MYO1E: variants seen among roughly 807,000 people sequenced by gnomAD.
MYO1E encodes myosin IE.
MYO1E carries 68 observed loss-of-function variants against 151.1 expected under a neutral mutation model. The observed-to-expected ratio is 0.45, with a 90% CI of 0.37 to 0.55. MYO1E has a LOEUF of 0.55. MYO1E is among the 20% of genes least tolerant of loss of function. The probability of loss-of-function intolerance (pLI) is 0.00; values close to 1 mark genes in which losing one functional copy is unlikely to be tolerated. For synonymous variants in MYO1E, 601 were observed against 501.7 expected (o/e 1.20, Z -2.64); for missense variants, 1,363 against 1,389.3 (o/e 0.98, Z 0.30).
intron 1 of MYO1E, among the ~76,000 whole-genome samples, chr15:59,337,498 T>C (rs1293667423): frequency 3.3e-5 from 5 of 152,218 alleles, no homozygotes; most frequent in Admixed American, 3.3e-4. Context: ...TAGCCTACAT[T>C]ATGAAACTTA....
intron 1 of MYO1E, among the ~76,000 whole-genome samples, chr15:59,314,056 T>C (rs1002627700): frequency 7.2e-5 from 11 of 152,208 alleles, no homozygotes; most frequent in Admixed American, 5.9e-4. Context: ...AGTCTGATGA[T>C]GGCCGGTGTT....
intron 4 of MYO1E, 46 bp downstream of exon 4, chr15:59,256,238 A>G (rs2080193115): frequency 7.0e-7 from 1 of 1,426,776 alleles, no homozygotes; most frequent in African/African-American, 1.4e-5. Flanking sequence ...TAACCACAGC[A>G]TAGTCTCATA....
intron 7 of MYO1E, among the ~76,000 whole-genome samples, chr15:59,225,077 G>A (rs1479441932): frequency 6.6e-6 from 1 of 152,178 alleles, no homozygotes; most frequent in African/African-American, 2.4e-5. Context: ...TGCCACCCTC[G>A]GAAGAGTGGA....
At chr15:59,187,649 A>G (rs1425410180) in intron 18 of MYO1E, among the ~76,000 whole-genome samples, 1 of 152,250 alleles carries the variant, frequency 6.6e-6, no homozygotes, top group East Asian at 1.9e-4. Flanking sequence ...TAGCAGCATT[A>G]TTCATAATAG....
chr15:59,155,051 C>A (rs1016732096), intron 25 of MYO1E, among the ~76,000 whole-genome samples: 31 of 152,128 alleles, frequency 2.0e-4, no homozygotes, highest in African/African-American at 6.5e-4. Flanking sequence ...CCCACAGGGT[C>A]TGGGGATGGG....
rs545127714 is a variant in MYO1E at position 59,161,337 on chromosome 15, G to A, written c.2628-107C>T. On this transcript the variant is annotated intron_variant, in intron 23 of 27. Coordinates refer to ENST00000288235, the MANE Select transcript of MYO1E (RefSeq NM_004998.4). ...TGCTGGAAAAGCATAAACATGAGGC[G>A]AGAACGGACAATCTACACCAGGAGC... 7.1e-6 allele frequency: 9 copies of A among 1,262,006 alleles called. No homozygotes were observed. The South Asian group carries it at 9.9e-5, about 14-fold the overall frequency. 78.2% of individuals were successfully genotyped at this position (1,262,006 alleles called of 1,614,324 possible).
chr15:59,164,387 T>G (rs1190533742), intron 22 of MYO1E, among the ~76,000 whole-genome samples: 1 of 152,220 alleles, frequency 6.6e-6, no homozygotes, highest in Non-Finnish European at 1.5e-5. Context: ...CAAACCTGCT[T>G]CAGTGAATTG....
intron 14 of MYO1E, chr15:59,206,822 C>T: frequency 2.0e-6 from 2 of 997,692 alleles, no homozygotes; most frequent in Non-Finnish European, 2.9e-6. Context: ...GGCCAGGGGG[C>T]GGGGCACGCG....
intron 6 of MYO1E, among the ~76,000 whole-genome samples, chr15:59,229,752 T>A (rs906705410): frequency 7.2e-5 from 11 of 152,196 alleles, no homozygotes; most frequent in Admixed American, 1.3e-4. Flanking sequence ...TTTTTTAAAG[T>A]GAAATTACTC....
intron 22 of MYO1E, among the ~76,000 whole-genome samples, chr15:59,166,780 A>T (rs2079564748): frequency 1.3e-5 from 2 of 152,234 alleles, no homozygotes; most frequent in African/African-American, 2.4e-5. Context: ...GCCCGGACGC[A>T]GATGCAGGCC....
At chr15:59,332,449 T>C (rs1229866124) in intron 1 of MYO1E, among the ~76,000 whole-genome samples, 2 of 152,164 alleles carry the variant, frequency 1.3e-5, no homozygotes, top group Non-Finnish European at 2.9e-5. Flanking sequence ...AGCATGCTGA[T>C]CTAGGATTTC....
At chr15:59,185,519 G>A (rs1021569857) in intron 18 of MYO1E, among the ~76,000 whole-genome samples, 20 of 152,064 alleles carry the variant, frequency 1.3e-4, no homozygotes, top group African/African-American at 2.9e-4. Context: ...TGCCCACCTC[G>A]GCCTCCCAAA....
chr15:59,138,662 AC>A lies in MYO1E; in HGVS notation c.3081-296del, dbSNP rs35435151. Among the ~76,000 whole-genome samples, 5 of 152,180 alleles carry A rather than the reference AC, an allele frequency of 3.3e-5. No homozygotes were observed. The South Asian group carries it at 1.0e-3, about 32-fold the overall frequency. Reference sequence around the variant, plus strand: ...ATCCATAAAAAAGTGTCAAAAGTATACCCATACATTTAAATCAGGAACATTC... The same window carrying A: ...ATCCATAAAAAAGTGTCAAAAGTATACCATACATTTAAATCAGGAACATTC... On this transcript the variant is annotated intron_variant, in intron 26 of 27. Coordinates refer to ENST00000288235, the MANE Select transcript of MYO1E (RefSeq NM_004998.4).
intron 1 of MYO1E, among the ~76,000 whole-genome samples, chr15:59,347,999 C>T (rs958940256): frequency 6.6e-6 from 1 of 152,210 alleles, no homozygotes; most frequent in Non-Finnish European, 1.5e-5. Context: ...GCTCTCCTAT[C>T]AGTTTTTCCA....
chr15:59,218,937 A>C (rs1428899798), intron 9 of MYO1E, among the ~76,000 whole-genome samples: 2 of 152,226 alleles, frequency 1.3e-5, no homozygotes, highest in African/African-American at 4.8e-5. Flanking sequence ...TTCAGGTCAG[A>C]TTTAAAAGGT....
At chr15:59,306,232 A>G (rs1388881898) in intron 1 of MYO1E, among the ~76,000 whole-genome samples, 3 of 152,208 alleles carry the variant, frequency 2.0e-5, no homozygotes, top group African/African-American at 4.8e-5. Context: ...AATCTGTTGT[A>G]GATTATTACA....
At chr15:59,154,009 C>G (rs113685096) in intron 25 of MYO1E, among the ~76,000 whole-genome samples, 3 of 152,184 alleles carry the variant, frequency 2.0e-5, no homozygotes. Context: ...TGAGGTATAA[C>G]TGACAAATAA....
At chr15:59,193,793 C>T (rs1229908498) in intron 17 of MYO1E, among the ~76,000 whole-genome samples, 2 of 152,172 alleles carry the variant, frequency 1.3e-5, no homozygotes, top group Non-Finnish European at 2.9e-5. Context: ...GTATGAGCTC[C>T]TCATCCGGGC....
At chr15:59,150,998 G>T (rs2079472572) in intron 26 of MYO1E, among the ~76,000 whole-genome samples, 1 of 148,044 alleles carries the variant, frequency 6.8e-6, no homozygotes, top group African/African-American at 2.5e-5. Flanking sequence ...TAGTGGAAGG[G>T]AAGAGGAGAG....
Sources: allele counts gnomAD v4.1 joint callset (sites outside exome capture counted in the v4.1 genomes callset), GRCh38; gene constraint gnomAD v4.1.1; transcripts MANE v1.5; gene names NCBI Gene and HGNC (gene_info 2026-07-23, HGNC 2026-07-21).